The following DSCAM variants were observed in gnomAD, a reference collection of about 807,000 sequenced individuals.
The protein encoded by DSCAM is cell adhesion molecule DSCAM.
Under a neutral mutation model 217.7 loss-of-function variants are expected in DSCAM, and 47 were observed. The observed-to-expected ratio is 0.22, with a 90% CI of 0.17 to 0.28. DSCAM has a LOEUF of 0.28. DSCAM is among the 10% of genes least tolerant of loss of function. The pLI, the probability that DSCAM is intolerant of heterozygous loss-of-function variation, is 1.00. For missense variants in DSCAM, 2,080 were observed against 2,618.3 expected, an observed-to-expected ratio of 0.79 and a Z score of 4.49; for synonymous variants, 1,056 against 1,015.3, an observed-to-expected ratio of 1.04 and a Z score of -0.76.
intron 32 of DSCAM, among the ~76,000 whole-genome samples, chr21:40,028,257 C>G (rs1365359375): frequency 8.9e-6 from 1 of 111,738 alleles, no homozygotes; most frequent in Non-Finnish European, 1.8e-5. Context: ...GACCACTGCT[C>G]TCTTCAAAGC....
At chr21:40,420,043 A>G (rs553420217) in intron 3 of DSCAM, among the ~76,000 whole-genome samples, 20 of 152,168 alleles carry the variant, frequency 1.3e-4, no homozygotes, top group Non-Finnish European at 2.2e-4. Context: ...AGGGACTGAT[A>G]ATATAATAAA....
intron 1 of DSCAM, among the ~76,000 whole-genome samples, chr21:40,835,116 A>G (rs2092046365): frequency 6.6e-6 from 1 of 152,190 alleles, no homozygotes; most frequent in South Asian, 2.1e-4. Flanking sequence ...TCTAATAATA[A>G]TACTGAGTCA....
chr21:40,507,565 C>T (rs553085849), intron 3 of DSCAM, among the ~76,000 whole-genome samples: 2 of 152,026 alleles, frequency 1.3e-5, no homozygotes, highest in Admixed American at 6.6e-5. Context: ...CTGAGGTGGG[C>T]GGATCACTCG....
At chr21:40,748,633 T>C (rs2091197929) in intron 1 of DSCAM, among the ~76,000 whole-genome samples, 1 of 152,142 alleles carries the variant, frequency 6.6e-6, no homozygotes, top group Non-Finnish European at 1.5e-5. Flanking sequence ...ACTGAAATAA[T>C]GTTTAAAAAT....
intron 1 of DSCAM, among the ~76,000 whole-genome samples, chr21:40,808,645 T>C (rs1265162797): frequency 1.3e-5 from 2 of 151,978 alleles, no homozygotes; most frequent in African/African-American, 4.8e-5. Flanking sequence ...TACCTAATTT[T>C]TTTCACTTTT....
chr21:40,549,754 C>A (rs1435648457), intron 3 of DSCAM, among the ~76,000 whole-genome samples: 1 of 152,070 alleles, frequency 6.6e-6, no homozygotes, highest in Non-Finnish European at 1.5e-5. Flanking sequence ...GTTTGGAAAC[C>A]CCAGCTAAGC....
In DSCAM at chr21:40,312,356, G is replaced by A. The variant is rs1182107464; in HGVS notation, c.1787C>T (p.Pro596Leu). 5.0e-6 allele frequency: 8 copies of A among 1,612,306 alleles called. No individual in the cohort carries two copies. The highest frequency in any genetic ancestry group is 2.2e-5 in the South Asian group (2 of 91,022). The change falls in exon 9 of 33, where the codon CCG becomes CTG. Residue 596 changes from proline (P) to leucine (L), a missense_variant. This residue lies in a region of DSCAM where 218 missense variants were observed against 364.1 expected (regional missense o/e 0.60). Transcript: ENST00000400454. ...AAACTCAAAGGGTTGTATGAAAGGC[G>A]GAACTGCAAGAAAAAAGAAAGATAA... ...SQSVHVTVKV[P>L]PFIQPFEFPR... is the part of the protein sequence containing the mutation.
intron 1 of DSCAM, among the ~76,000 whole-genome samples, chr21:40,807,699 A>C (rs1325374569): frequency 6.6e-6 from 1 of 152,214 alleles, no homozygotes; most frequent in Non-Finnish European, 1.5e-5. Flanking sequence ...GAGAAGTAAT[A>C]AAAGTGCAGT....
At chr21:40,320,786 G>GC (rs1029678391) in intron 8 of DSCAM, among the ~76,000 whole-genome samples, 4 of 152,106 alleles carry the variant, frequency 2.6e-5, no homozygotes, top group Non-Finnish European at 5.9e-5. Context: ...TGAGGAAACT[G>GC]CCCCCATGAT....
chr21:40,304,926 G>T (rs879338662), intron 9 of DSCAM, among the ~76,000 whole-genome samples: 2 of 152,052 alleles, frequency 1.3e-5, no homozygotes, highest in Non-Finnish European at 2.9e-5. Flanking sequence ...CACCATAACA[G>T]ACATAATAAT....
intron 1 of DSCAM, among the ~76,000 whole-genome samples, chr21:40,785,296 T>G (rs2091582538): frequency 6.6e-6 from 1 of 152,182 alleles, no homozygotes; most frequent in Non-Finnish European, 1.5e-5. Flanking sequence ...AAGAAAATAC[T>G]CCCTTGTAGA....
chr21:40,465,487 A>G (rs1752614297), intron 3 of DSCAM, among the ~76,000 whole-genome samples: 1 of 152,204 alleles, frequency 6.6e-6, no homozygotes, highest in Non-Finnish European at 1.5e-5. Flanking sequence ...GATCCAGATC[A>G]ACTACAGAAG....
intron 11 of DSCAM, among the ~76,000 whole-genome samples, chr21:40,257,741 G>A (rs2837541): frequency 0.076 from 11,597 of 151,942 alleles, 1,004 homozygotes; most frequent in East Asian, 0.22. Context: ...ACTTCCAAAC[G>A]TTAATTTTTT....
intron 16 of DSCAM, among the ~76,000 whole-genome samples, chr21:40,157,211 G>A (rs368465893): frequency 1.6e-4 from 25 of 152,214 alleles, no homozygotes; most frequent in African/African-American, 6.0e-4. Flanking sequence ...ATCCACGCAT[G>A]GACTGCAGCT....
chr21:40,394,645 G>T (rs752278799), intron 3 of DSCAM, among the ~76,000 whole-genome samples: 4 of 152,330 alleles, frequency 2.6e-5, no homozygotes, highest in South Asian at 2.1e-4. Context: ...CTGCACAGAA[G>T]TATTTACAGA....
chr21:40,402,970 C>G (rs896131299), intron 3 of DSCAM, among the ~76,000 whole-genome samples: 3 of 90,114 alleles, frequency 3.3e-5, no homozygotes, highest in African/African-American at 1.0e-4. Flanking sequence ...CAAGATTATA[C>G]CCCCCCACCC....
chr21:40,814,961 G>A (rs1235302477), intron 1 of DSCAM, among the ~76,000 whole-genome samples: 1 of 152,194 alleles, frequency 6.6e-6, no homozygotes, highest in Non-Finnish European at 1.5e-5. Context: ...CAATTTACAA[G>A]TTCAAAATAA....
chr21:40,599,527 C>T (rs543268689), intron 3 of DSCAM, among the ~76,000 whole-genome samples: 1 of 152,128 alleles, frequency 6.6e-6, no homozygotes, highest in Non-Finnish European at 1.5e-5. Context: ...CAAATCGACA[C>T]CCTAACATCA....
chr21:40,475,822 C>T (rs1277089119), intron 3 of DSCAM, among the ~76,000 whole-genome samples: 3 of 150,220 alleles, frequency 2.0e-5, no homozygotes, highest in Non-Finnish European at 3.0e-5. Flanking sequence ...CAGAGTAAGA[C>T]TCTGTCTTAA....
Sources: gnomAD v4.1 joint callset for allele counts (sites outside exome capture counted in the v4.1 genomes callset) on GRCh38, gnomAD v4.1.1 for gene constraint, gnomAD v4.1.1 regional missense constraint, MANE v1.5 for transcripts, NCBI Gene and HGNC (gene_info 2026-07-23, HGNC 2026-07-21) for gene names.